The following PRKCB variants were observed in gnomAD, a reference collection of about 807,000 sequenced individuals.
PRKCB encodes protein kinase C beta.
Under a neutral mutation model 81.5 loss-of-function variants are expected in PRKCB, and 13 were observed. The ratio of observed to expected loss-of-function variants is 0.16; its 90% confidence interval spans 0.10 to 0.25. The LOEUF (loss-of-function observed/expected upper bound fraction) is 0.25, where lower values mean the gene tolerates loss of function less well. Among genes scored for constraint, PRKCB ranks in the 10% least tolerant of loss-of-function variants. The pLI is 1.00. For missense variants in PRKCB, 509 were observed against 875.7 expected (o/e 0.58, Z 5.29); for synonymous variants, 335 against 321.4 (o/e 1.04, Z -0.45).
chr16:24,072,818 G>A (rs1034921940), intron 5 of PRKCB, among the ~76,000 whole-genome samples: 3 of 152,122 alleles, frequency 2.0e-5, no homozygotes, highest in Non-Finnish European at 4.4e-5. Flanking sequence ...CTGACCTGAG[G>A]TGATCCACCC....
intron 15 of PRKCB, among the ~76,000 whole-genome samples, chr16:24,185,771 A>G (rs911068766): frequency 2.0e-5 from 3 of 152,208 alleles, no homozygotes; most frequent in African/African-American, 7.2e-5. Context: ...AGTGCTGTAG[A>G]GAGCTGCCTG....
At chr16:23,910,143 G>A (rs6497703) in intron 2 of PRKCB, among the ~76,000 whole-genome samples, 52,775 of 151,728 alleles carry the variant, frequency 0.35, 9,438 homozygotes, top group South Asian at 0.54. Context: ...TCCCTCTTCC[G>A]CTCCAAGTTG....
chr16:23,866,781 A>G (rs973992260), intron 2 of PRKCB, among the ~76,000 whole-genome samples: 15 of 152,198 alleles, frequency 9.9e-5, no homozygotes, highest in African/African-American at 3.4e-4. Context: ...GGACCACTGT[A>G]TACTCCCACC....
chr16:24,203,275 A>G (rs1967988608), intron 16 of PRKCB: 1 of 151,904 alleles, frequency 6.6e-6, no homozygotes, highest in African/African-American at 2.4e-5. Flanking sequence ...TGGATAACTT[A>G]CAATGAAAAG....
At chr16:24,155,079 G>A (rs975914875) in intron 10 of PRKCB, among the ~76,000 whole-genome samples, 1 of 152,208 alleles carries the variant, frequency 6.6e-6, no homozygotes, top group Non-Finnish European at 1.5e-5. Flanking sequence ...AGGAATTCAG[G>A]CAACTGGTTT....
intron 2 of PRKCB, among the ~76,000 whole-genome samples, chr16:23,863,255 T>TACACAC (rs57495485): frequency 0.073 from 9,679 of 132,456 alleles, 618 homozygotes; most frequent in South Asian, 0.28. Flanking sequence ...TATATACACA[T>TACACAC]ACACACACAC....
chr16:23,976,386 A>G (rs919191300), intron 2 of PRKCB, among the ~76,000 whole-genome samples: 21 of 152,216 alleles, frequency 1.4e-4, no homozygotes, highest in Middle Eastern at 6.8e-3. Context: ...TGGAAAATAA[A>G]CCCTCTTTCC....
chr16:24,200,267 G>T (rs1335480648), intron 16 of PRKCB, among the ~76,000 whole-genome samples: 1 of 152,168 alleles, frequency 6.6e-6, no homozygotes, highest in Non-Finnish European at 1.5e-5. Flanking sequence ...ACTGTGTGGA[G>T]TTTGCAGAGA....
intron 8 of PRKCB, among the ~76,000 whole-genome samples, chr16:24,121,064 A>G (rs198182): frequency 0.15 from 22,454 of 152,118 alleles, 2,128 homozygotes; most frequent in Non-Finnish European, 0.21. Context: ...GTCAGCCTGA[A>G]TTTCTTAAGG....
chr16:24,078,747 G>A (rs370002728), intron 5 of PRKCB, among the ~76,000 whole-genome samples: 2 of 152,188 alleles, frequency 1.3e-5, no homozygotes, highest in African/African-American at 4.8e-5. Context: ...CTTCCCTGTC[G>A]AGGGAAATGG....
rs760639179 is a variant in PRKCB, at chr16:24,094,214, T to C, written c.738T>C (p.Asp246=). ...GAAGACTGTCAGTAGAGATTTGGGA[T>C]TGGGATTTGACCAGCAGGAATGACT... The part of the protein sequence containing the change: ...KDRRLSVEIW[D]WDLTSRNDFM... The change falls in exon 7 of 17, where the codon GAT becomes GAC. Residue 246 remains aspartate, a synonymous_variant. Transcript: ENST00000643927. 9.9e-6 allele frequency: 16 copies of C among 1,614,134 alleles called. No homozygotes were observed. In the East Asian group the frequency reaches 2.9e-4, roughly 29 times the overall value.
intron 2 of PRKCB, among the ~76,000 whole-genome samples, chr16:23,843,494 A>G (rs62030641): frequency 4.8e-4 from 73 of 152,098 alleles, no homozygotes; most frequent in Non-Finnish European, 9.4e-4. Flanking sequence ...CAATCGAAAT[A>G]AGAATCTTTG....
At chr16:24,027,146 T>C (rs1468383162) in intron 3 of PRKCB, among the ~76,000 whole-genome samples, 1 of 151,984 alleles carries the variant, frequency 6.6e-6, no homozygotes, top group Non-Finnish European at 1.5e-5. Flanking sequence ...CCTCCCCTAG[T>C]CCCCCACCCC....
intron 13 of PRKCB, among the ~76,000 whole-genome samples, chr16:24,184,453 TC>T (rs1967672318): frequency 7.4e-6 from 1 of 134,886 alleles, no homozygotes. Context: ...AGACACTATC[TC>T]AAAAAAAAAA....
At chr16:24,068,493 C>CA (rs76902081) in intron 5 of PRKCB, among the ~76,000 whole-genome samples, 10,985 of 143,694 alleles carry the variant, frequency 0.076, 598 homozygotes, top group African/African-American at 0.14. Context: ...AAAAAAAAAA[C>CA]CACACACAGA....
intron 3 of PRKCB, among the ~76,000 whole-genome samples, chr16:24,016,963 C>T (rs1446913189): frequency 6.6e-6 from 1 of 152,156 alleles, no homozygotes; most frequent in Non-Finnish European, 1.5e-5. Flanking sequence ...TGAGCTGGTG[C>T]TGTAGGTTGG....
At chr16:24,024,893 G>T (rs772405422) in intron 3 of PRKCB, among the ~76,000 whole-genome samples, 31 of 152,184 alleles carry the variant, frequency 2.0e-4, no homozygotes, top group Non-Finnish European at 3.7e-4. Flanking sequence ...AGGACCACAG[G>T]TGTAGGAGTG....
chr16:24,128,080 T>G (rs917477434), intron 9 of PRKCB, among the ~76,000 whole-genome samples: 11 of 115,530 alleles, frequency 9.5e-5, no homozygotes, highest in African/African-American at 3.3e-4. Context: ...ACAAAACATG[T>G]TTTTAAACCC....
At chr16:23,837,733 G>T (rs868302312) in intron 2 of PRKCB, among the ~76,000 whole-genome samples, 2 of 152,148 alleles carry the variant, frequency 1.3e-5, no homozygotes, top group African/African-American at 4.8e-5. Context: ...ACGTTTCTGG[G>T]AGAACCTGTC....
Sources: gnomAD v4.1 joint callset for allele counts (sites outside exome capture counted in the v4.1 genomes callset) on GRCh38, gnomAD v4.1.1 for gene constraint, MANE v1.5 for transcripts, NCBI Gene and HGNC (gene_info 2026-07-23, HGNC 2026-07-21) for gene names.